The following PSD2 variants were observed in gnomAD, a reference collection of about 807,000 sequenced individuals.
The protein encoded by PSD2 is PH and SEC7 domain-containing protein 2.
Under a neutral mutation model 69.8 loss-of-function variants are expected in PSD2, and 38 were observed. That is an observed-to-expected ratio of 0.54 (90% CI 0.42 to 0.71). The LOEUF is 0.71. Ranked by LOEUF, PSD2 falls within the 30% of genes least tolerant of loss-of-function variation. PSD2 has a pLI of 0.00. For missense variants in PSD2, 943 were observed against 1,014.5 expected (o/e 0.93, Z 0.96); for synonymous variants, 412 against 423.0 (o/e 0.97, Z 0.32).
rs1354810620 is a variant in PSD2 at position 139,839,033 on chromosome 5, C to T, written c.1968+261C>T. Among the ~76,000 whole-genome samples the T allele has an allele frequency of 1.3e-5, 2 of 152,222 alleles. No individual in the cohort carries two copies. Among genetic ancestry groups the T allele is most frequent in the African/African-American group, 2.4e-5 (1 of 41,460 alleles). On this transcript the variant is annotated intron_variant, in intron 13 of 14. Coordinates refer to ENST00000274710, the MANE Select transcript of PSD2 (RefSeq NM_032289.4). This position sits in a 1 kb window ranked among gnomAD's most constrained non-coding sequence, Gnocchi z 5.1. ...GCCAGTGCATCCCTGTGGATGTGAC[C>T]GAGAGTTGGTGGCCTTGTGTGCACC...
the PSD2 span, among the ~76,000 whole-genome samples, chr5:139,774,471 G>A: frequency 6.6e-6 from 1 of 152,176 alleles, no homozygotes; most frequent in Non-Finnish European, 1.5e-5. Flanking sequence ...AGGGCTGTGG[G>A]CCCTGGAAAG....
intron 1 of PSD2, among the ~76,000 whole-genome samples, chr5:139,799,455 TG>T (rs921178366): frequency 6.6e-6 from 1 of 151,882 alleles, no homozygotes; most frequent in African/African-American, 2.4e-5. Flanking sequence ...GGAGAGGGCA[TG>T]GGGGCCAGAC....
the PSD2 span, among the ~76,000 whole-genome samples, chr5:139,787,659 C>G: frequency 1.3e-5 from 2 of 152,234 alleles, no homozygotes; most frequent in African/African-American, 2.4e-5. Context: ...AAAGAGCCCC[C>G]GTCGCTGGCC....
At chr5:139,828,760 C>A (rs1249779965) in intron 7 of PSD2, among the ~76,000 whole-genome samples, 7 of 152,146 alleles carry the variant, frequency 4.6e-5, no homozygotes, top group Non-Finnish European at 5.9e-5. Flanking sequence ...AGGCCTGGCT[C>A]CTGTGGGGCA....
At position 139,842,481 on chromosome 5, in the gene PSD2, T is replaced by G. The variant is rs747487177; in HGVS notation, c.*7T>G. 6.2e-7 allele frequency: 1 copy of G among 1,611,106 alleles called. No individual in the cohort carries two copies. The highest frequency in any genetic ancestry group is 8.5e-7 in the Non-Finnish European group (1 of 1,177,894). On this transcript the variant is annotated 3_prime_UTR_variant, in exon 15 of 15. Coordinates refer to ENST00000274710, the MANE Select transcript of PSD2 (RefSeq NM_032289.4). ...CACTGGGCCTGATACTTAGCTGACA[T>G]GGATTTGCAGACCCCAGGGTGGGCA...
rs755081929 is a variant in PSD2 at position 139,833,694 on chromosome 5, C to T, written c.1270-8C>T. 4.4e-6 allele frequency: 7 copies of T among 1,608,686 alleles called. No homozygotes were observed. The Admixed American group carries it at 5.0e-5, about 11-fold the overall frequency. Reference sequence around the variant, plus strand: ...CTACTCTTAGGCAGAACCATTTCTCCATTACAGAACATTGGCAAAAAGATG... The same window carrying T: ...CTACTCTTAGGCAGAACCATTTCTCTATTACAGAACATTGGCAAAAAGATG... On this transcript the variant is annotated splice_region_variant and splice_polypyrimidine_tract_variant and intron_variant, in intron 7 of 14. Transcript: ENST00000274710.
At chr5:139,745,572 C>T in the PSD2 span, among the ~76,000 whole-genome samples, 18 of 152,234 alleles carry the variant, frequency 1.2e-4, no homozygotes, top group African/African-American at 4.3e-4. Context: ...TCTGAGAGAA[C>T]TTCTCTGCTC....
chr5:139,800,876 A>G (rs1014027522), intron 1 of PSD2, among the ~76,000 whole-genome samples: 5 of 152,112 alleles, frequency 3.3e-5, no homozygotes, highest in East Asian at 3.9e-4. Flanking sequence ...AGAGCATCCC[A>G]TGAACAGATA....
chr5:139,745,851 TG>T, the PSD2 span, among the ~76,000 whole-genome samples: 1 of 152,176 alleles, frequency 6.6e-6, no homozygotes, highest in African/African-American at 2.4e-5. Context: ...GTTTCCAACA[TG>T]ATGGTACCAC....
At chr5:139,780,296 C>T in the PSD2 span, among the ~76,000 whole-genome samples, 5 of 152,232 alleles carry the variant, frequency 3.3e-5, no homozygotes, top group African/African-American at 4.8e-5. Context: ...ACCTGGCAAT[C>T]AGCTGTACAC....
chr5:139,782,322 T>C, the PSD2 span, among the ~76,000 whole-genome samples: 1 of 151,840 alleles, frequency 6.6e-6, no homozygotes, highest in African/African-American at 2.4e-5. Flanking sequence ...TAGCTGGAAT[T>C]ACAGGTGCCC....
intron 14 of PSD2, 24 bp from the exon 15 acceptor site, chr5:139,842,247 A>T: frequency 1.2e-6 from 2 of 1,606,910 alleles, no homozygotes; most frequent in Non-Finnish European, 1.7e-6. Flanking sequence ...TTGTCTTTTG[A>T]CCTTGTGTTT....
the PSD2 span, among the ~76,000 whole-genome samples, chr5:139,756,051 G>A: frequency 6.6e-6 from 1 of 152,280 alleles, no homozygotes; most frequent in Non-Finnish European, 1.5e-5. Context: ...GCCCCGCCAG[G>A]TGAGCGCAGC....
chr5:139,840,772 G>A (rs1388499920), intron 14 of PSD2, among the ~76,000 whole-genome samples: 1 of 151,942 alleles, frequency 6.6e-6, no homozygotes, highest in South Asian at 2.1e-4. Context: ...GGATGGTCTC[G>A]AACTCCTGAC....
At chr5:139,779,775 G>A in the PSD2 span, among the ~76,000 whole-genome samples, 1 of 152,130 alleles carries the variant, frequency 6.6e-6, no homozygotes, top group Non-Finnish European at 1.5e-5. Context: ...ATCGAATCAT[G>A]CAGTATCTAC....
At chr5:139,768,048 C>T in the PSD2 span, among the ~76,000 whole-genome samples, 1 of 152,222 alleles carries the variant, frequency 6.6e-6, no homozygotes, top group Non-Finnish European at 1.5e-5. Flanking sequence ...GGGCCTGGCT[C>T]AGATATCTGG....
chr5:139,774,377 G>A, the PSD2 span, among the ~76,000 whole-genome samples: 2 of 152,212 alleles, frequency 1.3e-5, no homozygotes, highest in African/African-American at 2.4e-5. Context: ...TGAGCACTGC[G>A]TATTTTTGCT....
chr5:139,789,359 C>T, the PSD2 span, among the ~76,000 whole-genome samples: 1 of 152,170 alleles, frequency 6.6e-6, no homozygotes, highest in African/African-American at 2.4e-5. Context: ...CTCAGAGAGG[C>T]CTTCGCTGAA....
the PSD2 span, among the ~76,000 whole-genome samples, chr5:139,747,809 A>G: frequency 4.6e-5 from 7 of 152,168 alleles, no homozygotes; most frequent in Admixed American, 2.6e-4. This position sits in a 1 kb window ranked among gnomAD's most constrained non-coding sequence, Gnocchi z 6.7. Context: ...ATGTTTTCCA[A>G]TACGACAGCA....
Sources: gnomAD v4.1 joint callset for allele counts (sites outside exome capture counted in the v4.1 genomes callset) on GRCh38, gnomAD v4.1.1 for gene constraint, Gnocchi (gnomAD v3.1) non-coding constraint, MANE v1.5 for transcripts, NCBI Gene and HGNC (gene_info 2026-07-23, HGNC 2026-07-21) for gene names.